DAB1: variants seen among roughly 807,000 people sequenced by gnomAD.
The protein encoded by DAB1 is disabled homolog 1.
In DAB1, 15 loss-of-function variants were observed where a neutral mutation model predicts 64.6. The observed-to-expected ratio is 0.23, with a 90% CI of 0.16 to 0.36. The LOEUF (loss-of-function observed/expected upper bound fraction) is 0.36. Among genes scored for constraint, DAB1 ranks in the 10% least tolerant of loss-of-function variants. The probability of loss-of-function intolerance (pLI) is 1.00; values close to 1 mark genes in which losing one functional copy is unlikely to be tolerated. For missense variants in DAB1, 596 were observed against 706.7 expected (o/e 0.84, Z 1.78); for synonymous variants, 235 against 251.9 (o/e 0.93, Z 0.64).
At chr1:57,489,057 TG>T (rs1644129191) in intron 7 of DAB1, among the ~76,000 whole-genome samples, 1 of 152,248 alleles carries the variant, frequency 6.6e-6, no homozygotes, top group Non-Finnish European at 1.5e-5. Flanking sequence ...GGAATCAATC[TG>T]GGCAAATCCT....
At chr1:57,487,917 T>G (rs1644112175) in intron 7 of DAB1, among the ~76,000 whole-genome samples, 1 of 152,212 alleles carries the variant, frequency 6.6e-6, no homozygotes, top group African/African-American at 2.4e-5. Context: ...TGAGAAACAT[T>G]GAGACTGTTT....
chr1:58,501,703 G>GC (rs1427219837), intron 3 of DAB1, among the ~76,000 whole-genome samples: 2 of 152,054 alleles, frequency 1.3e-5, no homozygotes, highest in Non-Finnish European at 2.9e-5. Flanking sequence ...TGCTATTCCT[G>GC]CACCCCTCCC....
At chr1:58,125,531 T>A (rs1653012999) in intron 5 of DAB1, among the ~76,000 whole-genome samples, 1 of 150,862 alleles carries the variant, frequency 6.6e-6, no homozygotes, top group Admixed American at 6.6e-5. Context: ...AGCCTCAACC[T>A]CCCAGTCTCA....
chr1:57,660,293 A>G (rs767855407), intron 6 of DAB1, among the ~76,000 whole-genome samples: 2 of 152,144 alleles, frequency 1.3e-5, no homozygotes, highest in Non-Finnish European at 2.9e-5. Context: ...CAAATAAATC[A>G]TGACCAAATC....
chr1:57,170,232 C>G (rs1167411224), intron 2 of DAB1, among the ~76,000 whole-genome samples: 1 of 152,112 alleles, frequency 6.6e-6, no homozygotes, highest in African/African-American at 2.4e-5. Flanking sequence ...CTCTTGACCC[C>G]AAGTGATCCA....
intron 5 of DAB1, among the ~76,000 whole-genome samples, chr1:58,120,062 C>T (rs1652647220): frequency 6.6e-6 from 1 of 152,162 alleles, no homozygotes; most frequent in African/African-American, 2.4e-5. Context: ...ATGTCCTTTA[C>T]TGGCCTCGTC....
chr1:58,432,917 AGGGAAGAGGGCTGGCCCCTCCTGCT>A (rs1272763460), intron 3 of DAB1, among the ~76,000 whole-genome samples: 1 of 152,198 alleles, frequency 6.6e-6, no homozygotes, highest in Non-Finnish European at 1.5e-5. Context: ...TGACGACATC[AGGGAAGAGGGCTGGCCCCTCCTGCT>A]GGCTGCCAGC....
At chr1:57,933,906 T>A (rs568716897) in intron 5 of DAB1, among the ~76,000 whole-genome samples, 44 of 152,052 alleles carry the variant, frequency 2.9e-4, no homozygotes, top group Non-Finnish European at 4.9e-4. Flanking sequence ...TCAGTCTTTT[T>A]TTTTTTTGAG....
At chr1:58,065,032 G>A (rs1287002614) in intron 5 of DAB1, among the ~76,000 whole-genome samples, 2 of 152,068 alleles carry the variant, frequency 1.3e-5, no homozygotes, top group Non-Finnish European at 2.9e-5. Context: ...ATTTGCTGAG[G>A]GCTTATTCTG....
intron 6 of DAB1, among the ~76,000 whole-genome samples, chr1:57,696,711 C>T (rs992432530): frequency 1.3e-5 from 2 of 152,152 alleles, no homozygotes; most frequent in African/African-American, 4.8e-5. Context: ...TCTACACAAG[C>T]GTGATCTTAC....
At chr1:57,669,486 T>C (rs1170540589) in intron 6 of DAB1, among the ~76,000 whole-genome samples, 1 of 152,148 alleles carries the variant, frequency 6.6e-6, no homozygotes, top group East Asian at 1.9e-4. Flanking sequence ...CCATGAAAAT[T>C]GTTCTTAACT....
intron 5 of DAB1, among the ~76,000 whole-genome samples, chr1:57,940,875 G>T (rs78181797): frequency 6.6e-6 from 1 of 152,240 alleles, no homozygotes; most frequent in East Asian, 1.9e-4. Flanking sequence ...TTACTCCAGT[G>T]ATATGTTTAG....
chr1:57,962,698 C>T (rs983474076), intron 5 of DAB1, among the ~76,000 whole-genome samples: 3 of 150,586 alleles, frequency 2.0e-5, no homozygotes, highest in African/African-American at 7.5e-5. Flanking sequence ...ATAATCTCTA[C>T]AATTTTTTTT....
chr1:57,723,624 C>T (rs1423969674), intron 6 of DAB1, among the ~76,000 whole-genome samples: 1 of 152,224 alleles, frequency 6.6e-6, no homozygotes, highest in Non-Finnish European at 1.5e-5. Flanking sequence ...GGAAAGCCTT[C>T]AGTCATCAAA....
chr1:57,641,222 G>C (rs554644664), intron 7 of DAB1, among the ~76,000 whole-genome samples: 1 of 152,174 alleles, frequency 6.6e-6, no homozygotes, highest in African/African-American at 2.4e-5. Context: ...CCAACCAGCA[G>C]AGCTTTCTTC....
chr1:57,253,340 C>T (rs1317366567), intron 2 of DAB1, among the ~76,000 whole-genome samples: 7 of 152,170 alleles, frequency 4.6e-5, no homozygotes, highest in Admixed American at 3.3e-4. Flanking sequence ...ATCTAAGTCA[C>T]GTGCTCCAGC....
intron 4 of DAB1, among the ~76,000 whole-genome samples, chr1:58,268,728 C>T (rs1661235180): frequency 1.3e-5 from 2 of 152,094 alleles, no homozygotes; most frequent in African/African-American, 4.8e-5. Context: ...TTATCAAAAT[C>T]ACAATGATAA....
chr1:57,142,037 T>C (rs897658681), intron 3 of DAB1, among the ~76,000 whole-genome samples: 1 of 152,218 alleles, frequency 6.6e-6, no homozygotes, highest in African/African-American at 2.4e-5. Flanking sequence ...ATGTATCTCA[T>C]ATGATCAAAA....
intron 2 of DAB1, among the ~76,000 whole-genome samples, chr1:57,287,016 G>T (rs1672369250): frequency 6.6e-6 from 1 of 152,176 alleles, no homozygotes; most frequent in Non-Finnish European, 1.5e-5. Flanking sequence ...TGCAAATTTA[G>T]AATTTAAAAA....
Sources: gnomAD v4.1 joint callset for allele counts (sites outside exome capture counted in the v4.1 genomes callset) on GRCh38, gnomAD v4.1.1 for gene constraint, MANE v1.5 for transcripts, NCBI Gene and HGNC (gene_info 2026-07-23, HGNC 2026-07-21) for gene names.